The following NCOR2 variants were observed in gnomAD, a reference collection of about 807,000 sequenced individuals.
NCOR2 encodes nuclear receptor corepressor 2.
NCOR2 carries 81 observed loss-of-function variants against 262.9 expected under a neutral mutation model. That is an observed-to-expected ratio of 0.31 (90% CI 0.26 to 0.37). The LOEUF (loss-of-function observed/expected upper bound fraction) is 0.37, where lower values mean the gene tolerates loss of function less well. NCOR2 is among the 10% of genes least tolerant of loss of function. NCOR2 has a pLI of 1.00. For synonymous variants in NCOR2, 1,659 were observed against 1,559.3 expected (o/e 1.06, Z -1.51); for missense variants, 3,385 against 3,621.4 (o/e 0.93, Z 1.68).
At position 124,389,155 on chromosome 12, in the gene NCOR2, C is replaced by A. The variant is rs562034461; in HGVS notation, c.1877-3268G>T. Among the ~76,000 whole-genome samples, 3 of 152,374 alleles carry A rather than the reference C, an allele frequency of 2.0e-5. No homozygotes were observed. The highest frequency in any genetic ancestry group is 3.9e-4 in the East Asian group (2 of 5,188). On this transcript the variant is annotated intron_variant, in intron 16 of 46. Transcript: ENST00000405201. This position sits in a 1 kb window ranked among gnomAD's most constrained non-coding sequence, Gnocchi z 4.4. ...GGCGCAGCGTGCCGAGCTCCTCCAG[C>A]ACCAATGTGCCCAGTGCGGACGCTC...
Position 124,483,813 on chromosome 12 carries a change from C to G in NCOR2, c.234-40G>C. 1 of 1,523,054 alleles carries G rather than the reference C, an allele frequency of 6.6e-7. No homozygotes were observed. Among genetic ancestry groups the G allele is most frequent in the South Asian group, 1.3e-5 (1 of 79,008 alleles). The allele number at this position is 1,523,054 out of a possible 1,614,324, so 94.3% of individuals were successfully genotyped here. A position where few individuals can be genotyped will look rare whatever the true frequency, so the allele number is the denominator to read the frequency against. On this transcript the variant is annotated intron_variant, in intron 2 of 46. Coordinates refer to ENST00000405201, the Ensembl canonical transcript of NCOR2. The surrounding 1 kb of genome is among the most constrained non-coding windows in gnomAD (Gnocchi z 6.3). ...GCATCCAACGTCACATAGGAGATTG[C>G]GGCTCTGAGAACTCCCGAGGCCCCG...
chr12:124,354,989 A>G, intron 24 of NCOR2, 50 bp from the exon 27 acceptor site: 3 of 1,526,984 alleles, frequency 2.0e-6, no homozygotes, highest in Non-Finnish European at 2.7e-6. Flanking sequence ...TCCCTCCCCC[A>G]CAGTCCAGAG....
At chr12:124,338,773 A>C (rs1476208921) in intron 37 of NCOR2, among the ~76,000 whole-genome samples, 1 of 151,892 alleles carries the variant, frequency 6.6e-6, no homozygotes, top group Non-Finnish European at 1.5e-5. Context: ...TTCTATTCTC[A>C]AACCAAACAA....
At chr12:124,535,118 G>C (rs1469407064) in intron 1 of NCOR2, among the ~76,000 whole-genome samples, 1 of 152,218 alleles carries the variant, frequency 6.6e-6, no homozygotes, top group Admixed American at 6.5e-5. Flanking sequence ...TAGGCATGGG[G>C]ACCACAGTGG....
At chr12:124,337,331 G>A (rs2035980006) in intron 37 of NCOR2, 151 bp from the exon 40 acceptor site, 1 of 901,778 alleles carries the variant, frequency 1.1e-6, no homozygotes, top group Non-Finnish European at 1.8e-6. Flanking sequence ...GCCAGACTCT[G>A]TGCGTCATGG....
chr12:124,356,945 C>T (rs1566389344), intron 22 of NCOR2, 163 bp from the exon 25 acceptor site: 3 of 841,868 alleles, frequency 3.6e-6, no homozygotes, highest in Non-Finnish European at 5.0e-6. Context: ...CCTGCCTGGG[C>T]GCTGCTCTGT....
At chr12:124,472,870 G>C (rs1037871494) in intron 4 of NCOR2, 82 bp downstream of exon 6, 63 of 1,575,580 alleles carry the variant, frequency 4.0e-5, no homozygotes, top group Middle Eastern at 1.7e-4. Flanking sequence ...GAAGGGCTTG[G>C]CACATGTCTG....
In NCOR2 at chr12:124,336,814, C is replaced by T. The variant is rs769944581; in HGVS notation, c.6054G>A (p.Pro2018=). ...GTTTACTTTGAGTCTTTTCCCGGTG[C>T]GGGTCCGAGGCCGAGGCAGGTGGCG... The change falls in exon 38 of 47, where the codon CCG becomes CCA. Residue 2018 remains proline, a synonymous_variant. Coordinates refer to ENST00000405201, the Ensembl canonical transcript of NCOR2. The T allele has an allele frequency of 1.5e-5, 24 of 1,613,072 alleles. No homozygotes were observed. In the Middle Eastern group the frequency reaches 4.9e-4, roughly 33 times the overall value.
In NCOR2 at chr12:124,503,933, T is replaced by A. The variant is rs539088921; in HGVS notation, c.-117-8565A>T. 2.0e-5 allele frequency among the ~76,000 whole-genome samples: 3 copies of A among 152,294 alleles called. No homozygotes were observed. Among genetic ancestry groups the A allele is most frequent in the African/African-American group, 7.2e-5 (3 of 41,542 alleles). On this transcript the variant is annotated intron_variant, in intron 1 of 46. Coordinates refer to the NCOR2 transcript ENST00000404621. This position sits in a 1 kb window ranked among gnomAD's most constrained non-coding sequence, Gnocchi z 4.3. ...AGGCCCTCCCACATGCCCAGCTCCA[T>A]GAGGGACACAGAAAGGCACTGTCGC...
chr12:124,525,721 A>T (rs1465900644), intron 1 of NCOR2, among the ~76,000 whole-genome samples: 1 of 152,216 alleles, frequency 6.6e-6, no homozygotes, highest in Non-Finnish European at 1.5e-5. Context: ...CACGGGGCAG[A>T]GGGAGGGCTG....
intron 10 of NCOR2, chr12:124,429,368 G>A (rs899980443): frequency 2.5e-4 from 134 of 534,822 alleles, no homozygotes; most frequent in Non-Finnish European, 8.1e-5. Flanking sequence ...ATGGGGGAGC[G>A]CCAGGGCCCT....
At chr12:124,497,785 G>A (rs1027381874), upstream of NCOR2, among the ~76,000 whole-genome samples, 6 of 152,204 alleles carry the variant, frequency 3.9e-5, no homozygotes, top group Non-Finnish European at 8.8e-5. This position sits in a 1 kb window ranked among gnomAD's most constrained non-coding sequence, Gnocchi z 4.2. Context: ...GCTGTCACCA[G>A]GACTGTCAAT....
chr12:124,335,081 C>A, intron 40 of NCOR2, 54 bp downstream of exon 42: 2 of 1,611,646 alleles, frequency 1.2e-6, no homozygotes, highest in Admixed American at 1.7e-5. Context: ...CCTCTCCAGG[C>A]CTGGTGCCCC....
At chr12:124,341,178 C>T (rs777170357) in intron 34 of NCOR2, among the ~76,000 whole-genome samples, 18 of 152,172 alleles carry the variant, frequency 1.2e-4, no homozygotes, top group Non-Finnish European at 2.4e-4. Flanking sequence ...AACGTGTGCA[C>T]GCAAAGCAGC....
Position 124,457,005 on chromosome 12 carries a change from A to AATAG in NCOR2, c.762+97_762+100dup. The AATAG allele has an allele frequency of 1.0e-6, 1 of 962,554 alleles. No homozygotes were observed. Among genetic ancestry groups the AATAG allele is most frequent in the Non-Finnish European group, 1.4e-6 (1 of 714,030 alleles). The allele number at this position is 962,554 out of a possible 1,614,324, so 59.6% of individuals were successfully genotyped here. ...GGACGCCGCCTGGGCAGCGCTTGGT[A>AATAG]ATAGATGACTTCCTCCTCCGCCGCA... On this transcript the variant is annotated intron_variant, in intron 6 of 46. Coordinates refer to ENST00000405201, the Ensembl canonical transcript of NCOR2. The surrounding 1 kb of genome is among the most constrained non-coding windows in gnomAD (Gnocchi z 4.0).
chr12:124,437,644 A>G (rs562298033), intron 8 of NCOR2, among the ~76,000 whole-genome samples: 3 of 152,290 alleles, frequency 2.0e-5, no homozygotes, highest in African/African-American at 7.2e-5. Context: ...AGGTCCCGTG[A>G]CCAGGGCTTA....
At chr12:124,328,822 G>A (rs991039699) in intron 44 of NCOR2, 1 of 238,724 alleles carries the variant, frequency 4.2e-6, no homozygotes, top group Non-Finnish European at 8.5e-6. Flanking sequence ...TGAAAATCAC[G>A]TTTCTGTAGC....
At chr12:124,442,554 G>A (rs903179953) in intron 7 of NCOR2, among the ~76,000 whole-genome samples, 2 of 152,204 alleles carry the variant, frequency 1.3e-5, no homozygotes, top group African/African-American at 4.8e-5. Context: ...GTTGCACAAC[G>A]TACAATCTAG....
At chr12:124,395,845 A>C (rs111364099) in intron 16 of NCOR2, among the ~76,000 whole-genome samples, 3 of 152,186 alleles carry the variant, frequency 2.0e-5, no homozygotes, top group Non-Finnish European at 4.4e-5. Context: ...TCTCCCAGCC[A>C]ACAGGCTGAG....
Sources: allele counts gnomAD v4.1 joint callset (sites outside exome capture counted in the v4.1 genomes callset), GRCh38; gene constraint gnomAD v4.1.1; non-coding constraint Gnocchi (gnomAD v3.1); transcripts MANE v1.5; gene names NCBI Gene and HGNC (gene_info 2026-07-23, HGNC 2026-07-21).